SEZ6L: variants seen among roughly 807,000 people sequenced by gnomAD.
SEZ6L encodes seizure 6-like protein.
A neutral mutation model predicts 106.2 loss-of-function variants in SEZ6L; 37 were observed. That is an observed-to-expected ratio of 0.35 (90% CI 0.27 to 0.46). The LOEUF (loss-of-function observed/expected upper bound fraction) is 0.46. Ranked by LOEUF, SEZ6L falls within the 20% of genes least tolerant of loss-of-function variation. The probability of loss-of-function intolerance (pLI) is 1.00; values close to 1 mark genes in which losing one functional copy is unlikely to be tolerated. For synonymous variants in SEZ6L, 541 were observed against 570.4 expected, an observed-to-expected ratio of 0.95 and a Z score of 0.73; for missense variants, 1,172 against 1,332.8, an observed-to-expected ratio of 0.88 and a Z score of 1.88.
intron 1 of SEZ6L, among the ~76,000 whole-genome samples, chr22:26,199,304 C>G (rs576948191): frequency 3.3e-5 from 5 of 152,322 alleles, no homozygotes; most frequent in Admixed American, 6.5e-5. Context: ...GGACTGAACA[C>G]AGCTCCCAAC....
chr22:26,292,679 A>G lies in SEZ6L; in HGVS notation c.368A>G (p.Lys123Arg). Reference sequence around the variant, plus strand: ...CCCAAGAAGAAACTGCCTTCGCTCAAGCAGGTGAACTCTGCCAGGAAGCAG... The same window carrying G: ...CCCAAGAAGAAACTGCCTTCGCTCAGGCAGGTGAACTCTGCCAGGAAGCAG... Reference protein sequence around the residue: ...LPPKKKLPSLKQVNSARKQLR... With the variant: ...LPPKKKLPSLRQVNSARKQLR... Residue 123 changes from lysine to arginine, a missense_variant, in exon 2 of 17, where the codon AAG becomes AGG. Physicochemically the swap from Lys to Arg is conservative, Grantham distance 26 (BLOSUM62 2). Coordinates refer to ENST00000248933, the MANE Select transcript of SEZ6L (RefSeq NM_021115.5). 1 of 1,613,580 alleles carries G rather than the reference A, an allele frequency of 6.2e-7. No homozygotes were observed. The highest frequency in any genetic ancestry group is 8.5e-7 in the Non-Finnish European group (1 of 1,179,930).
At chr22:26,331,456 C>T (rs1480640864) in intron 9 of SEZ6L, among the ~76,000 whole-genome samples, 1 of 152,154 alleles carries the variant, frequency 6.6e-6, no homozygotes, top group Non-Finnish European at 1.5e-5. Context: ...TCCCTAGAGG[C>T]AATTACTTTC....
chr22:26,361,331 C>A, intron 12 of SEZ6L, among the ~76,000 whole-genome samples: 1 of 85,152 alleles, frequency 1.2e-5, no homozygotes. Context: ...AACCCCGTCT[C>A]TACTAAAAAT....
chr22:26,306,945 A>G (rs1458627528), intron 6 of SEZ6L, among the ~76,000 whole-genome samples: 2 of 152,174 alleles, frequency 1.3e-5, no homozygotes, highest in African/African-American at 4.8e-5. Flanking sequence ...GGAATCAGAC[A>G]TGGTGATAAA....
chr22:26,280,020 TA>T (rs1056010743), intron 1 of SEZ6L, among the ~76,000 whole-genome samples: 3 of 151,994 alleles, frequency 2.0e-5, no homozygotes, highest in East Asian at 3.9e-4. Flanking sequence ...TGATATACAA[TA>T]AAAAAAATAA....
At chr22:26,217,735 T>A (rs2078339962) in intron 1 of SEZ6L, among the ~76,000 whole-genome samples, 1 of 152,246 alleles carries the variant, frequency 6.6e-6, no homozygotes, top group Non-Finnish European at 1.5e-5. Context: ...TGGCCCCAAG[T>A]GGGCCTCGCA....
At position 26,382,663 on chromosome 22, in the gene SEZ6L, T is replaced by C. The variant is rs1194021623; in HGVS notation, c.*2368T>C. ...ATCATACGAGTTCAACAATGTACAG[T>C]GTGATTGAAAAGACAGGTTGGTGTC... On this transcript the variant is annotated 3_prime_UTR_variant, in exon 17 of 17. Coordinates refer to ENST00000248933, the MANE Select transcript of SEZ6L (RefSeq NM_021115.5). The C allele has an allele frequency of 1.3e-5, 2 of 152,164 alleles. No homozygotes were observed. Among genetic ancestry groups the C allele is most frequent in the Non-Finnish European group, 2.9e-5 (2 of 68,010 alleles). The allele number at this position is 152,164 out of a possible 1,614,324, so 9.4% of individuals were successfully genotyped here.
chr22:26,342,990 C>T (rs549107963), intron 10 of SEZ6L, among the ~76,000 whole-genome samples: 96 of 152,272 alleles, frequency 6.3e-4, no homozygotes, highest in African/African-American at 1.9e-3. Context: ...GAGGCTAACA[C>T]GAGTATTGAT....
At chr22:26,224,967 CA>C (rs551910209) in intron 1 of SEZ6L, among the ~76,000 whole-genome samples, 3 of 149,896 alleles carry the variant, frequency 2.0e-5, no homozygotes, top group African/African-American at 7.3e-5. Context: ...GCTATTGTTA[CA>C]AAAAAAAAGC....
chr22:26,215,845 G>A (rs922644621), intron 1 of SEZ6L, among the ~76,000 whole-genome samples: 2 of 152,150 alleles, frequency 1.3e-5, no homozygotes, highest in Admixed American at 6.5e-5. Flanking sequence ...CTGAGGAAAC[G>A]TTTAGGGCAT....
chr22:26,322,061 T>C (rs1199476383), intron 9 of SEZ6L, among the ~76,000 whole-genome samples: 1 of 152,192 alleles, frequency 6.6e-6, no homozygotes, highest in Non-Finnish European at 1.5e-5. Context: ...AGATAATAAT[T>C]ACATAAATGA....
chr22:26,188,680 T>C (rs552011930), intron 1 of SEZ6L, among the ~76,000 whole-genome samples: 18 of 152,324 alleles, frequency 1.2e-4, no homozygotes, highest in Admixed American at 7.8e-4. Flanking sequence ...TGTGTCTCTT[T>C]GCACAAAGGA....
intron 1 of SEZ6L, among the ~76,000 whole-genome samples, chr22:26,241,112 T>C (rs1429076573): frequency 6.6e-6 from 1 of 152,190 alleles, no homozygotes; most frequent in African/African-American, 2.4e-5. Flanking sequence ...ATGTTACGTG[T>C]TATCCCCATT....
At chr22:26,341,411 A>T (rs183664345) in intron 10 of SEZ6L, among the ~76,000 whole-genome samples, 66 of 151,784 alleles carry the variant, frequency 4.3e-4, no homozygotes, top group Admixed American at 1.5e-3. Flanking sequence ...TCTACGACCC[A>T]CCCCTTTTCA....
In SEZ6L at chr22:26,236,862, G is replaced by C. The variant is rs12160481; in HGVS notation, c.95-55544G>C. ...TGTGGCTACCATTAGCCTCTCCTCT[G>C]CCTTCTGTCCATGCAGAAGCCCCCA... On this transcript the variant is annotated intron_variant, in intron 1 of 16. Coordinates refer to ENST00000248933, the MANE Select transcript of SEZ6L (RefSeq NM_021115.5). Among the ~76,000 whole-genome samples, 386 of 152,180 alleles carry C rather than the reference G, an allele frequency of 2.5e-3. 2 individuals are homozygous for C. Among genetic ancestry groups the C allele is most frequent in the African/African-American group, 9.1e-3 (378 of 41,516 alleles).
intron 1 of SEZ6L, among the ~76,000 whole-genome samples, chr22:26,285,589 G>A (rs2080910742): frequency 6.6e-6 from 1 of 152,166 alleles, no homozygotes; most frequent in African/African-American, 2.4e-5. Context: ...GGCAGGTGAT[G>A]GGAGGGTAGG....
chr22:26,259,245 G>T (rs985760219), intron 1 of SEZ6L, among the ~76,000 whole-genome samples: 6 of 152,242 alleles, frequency 3.9e-5, no homozygotes, highest in Admixed American at 1.3e-4. Flanking sequence ...GGATGAAATG[G>T]TCAGCACCAA....
rs541139533 is a variant in SEZ6L, at chr22:26,249,394, A to C, written c.95-43012A>C. Among the ~76,000 whole-genome samples the C allele has an allele frequency of 1.2e-3, 187 of 152,302 alleles. 1 individual carries two copies. The highest frequency in any genetic ancestry group is 3.8e-3 in the African/African-American group (159 of 41,582). The stretch of plus-strand genomic sequence containing the variant: ...CTGTAAGATCAGCCTTTTCAGTTTC[A>C]ACAGATGAGTGAGAACGTGTGGTAT... On this transcript the variant is annotated intron_variant, in intron 1 of 16. Transcript: ENST00000248933.
chr22:26,252,300 T>G (rs1439621756), intron 1 of SEZ6L, among the ~76,000 whole-genome samples: 2 of 152,220 alleles, frequency 1.3e-5, no homozygotes, highest in African/African-American at 4.8e-5. Flanking sequence ...TTATTTTTGG[T>G]TATCTATCTG....
Sources: gnomAD v4.1 joint callset for allele counts (sites outside exome capture counted in the v4.1 genomes callset) on GRCh38, gnomAD v4.1.1 for gene constraint, MANE v1.5 for transcripts, NCBI Gene and HGNC (gene_info 2026-07-23, HGNC 2026-07-21) for gene names.